Variants in ASL observed in about 807,000 individuals in gnomAD.
ASL encodes the protein argininosuccinate lyase, also known as argininosuccinase.
A neutral mutation model predicts 69.1 loss-of-function variants in ASL; 51 were observed. That is an observed-to-expected ratio of 0.74 (90% confidence interval 0.59 to 0.93). The LOEUF (loss-of-function observed/expected upper bound fraction) is 0.93, where lower values mean the gene tolerates loss of function less well. Ranked by LOEUF, ASL falls within the 40% of genes least tolerant of loss-of-function variation. The pLI is 0.00. For synonymous variants in ASL, 241 were observed against 247.6 expected, an observed-to-expected ratio of 0.97 and a Z score of 0.25; for missense variants, 540 against 623.9, an observed-to-expected ratio of 0.87 and a Z score of 1.43.
At chr7:66,087,144 G>A (rs761866517) in intron 8 of ASL, 190 bp from the exon 9 acceptor site, 25 of 695,234 alleles carry the variant, frequency 3.6e-5, no homozygotes, top group Admixed American at 1.1e-4. Context: ...TGGACACTTG[G>A]GGACAAGTAT....
At chr7:66,086,501 G>A (rs2115723465) in intron 6 of ASL, 84 bp from the exon 7 acceptor site, 1 of 1,456,750 alleles carries the variant, frequency 6.9e-7, no homozygotes, top group African/African-American at 1.4e-5. Context: ...TTTTCCAGGG[G>A]TGACCCAGGC....
Position 66,089,365 on chromosome 7 carries a change from C to T in ASL, c.978+30C>T, listed in dbSNP as rs160647. ...GAGGCCGGGGGAGGCCTGGCTAGTA[C>T]GTGCCAGTTCTCAGGGCTCTGGCAC... On this transcript the variant is annotated intron_variant, in intron 13 of 16. Coordinates refer to ENST00000304874, the MANE Select transcript of ASL (RefSeq NM_000048.4). 1,177,274 of 1,579,646 alleles carry T rather than the reference C, an allele frequency of 0.75. 439,617 individuals carry two copies. Among genetic ancestry groups the T allele is most frequent in the African/African-American group, 0.82 (61,209 of 74,302 alleles).
Position 66,082,019 on chromosome 7 carries a change from C to A in ASL, c.207+22C>A, listed in dbSNP as rs767121155. On this transcript the variant is annotated intron_variant, in intron 3 of 16. Transcript: ENST00000304874. ...CAAGGTACTTGCCGTGGCCCAAGCCCCACCCAAGGCCCCTTCCCTGTGGCC... is the reference window on the plus strand; with the variant it reads ...CAAGGTACTTGCCGTGGCCCAAGCCACACCCAAGGCCCCTTCCCTGTGGCC... 8.2e-6 allele frequency: 13 copies of A among 1,580,184 alleles called. No individual in the cohort carries two copies. The African/African-American group carries it at 1.6e-4, about 20-fold the overall frequency.
At chr7:66,081,570 A>G (rs887708877) in intron 2 of ASL, among the ~76,000 whole-genome samples, 1 of 146,706 alleles carries the variant, frequency 6.8e-6, no homozygotes, top group Non-Finnish European at 1.5e-5. Flanking sequence ...ACAAAGTGAG[A>G]CTCTGTCTCA....
intron 2 of ASL, among the ~76,000 whole-genome samples, chr7:66,079,984 C>A (rs1786454044): frequency 6.6e-6 from 1 of 152,066 alleles, no homozygotes; most frequent in South Asian, 2.1e-4. Context: ...ATTGGGGAGG[C>A]TGAGGCAAGA....
chr7:66,087,588 C>G, intron 9 of ASL, 141 bp from the exon 10 acceptor site: 1 of 999,052 alleles, frequency 1.0e-6, no homozygotes, highest in Non-Finnish European at 1.5e-6. Flanking sequence ...GCTCCTGCCT[C>G]CCTCCTGGGA....
chr7:66,076,573 G>A (rs1181527191), intron 2 of ASL, among the ~76,000 whole-genome samples: 1 of 152,182 alleles, frequency 6.6e-6, no homozygotes, highest in African/African-American at 2.4e-5. Context: ...CAGGAAAAAG[G>A]GGACGTCGCC....
At chr7:66,077,936 G>A (rs1462894055) in intron 2 of ASL, among the ~76,000 whole-genome samples, 1 of 152,082 alleles carries the variant, frequency 6.6e-6, no homozygotes, top group East Asian at 1.9e-4. Context: ...TGCCCAAGGG[G>A]AGGCACCTCA....
chr7:66,089,073 C>A lies in ASL; in HGVS notation c.834-18C>A. On this transcript the variant is annotated intron_variant, in intron 11 of 16. Transcript: ENST00000304874. ...GCCAAGGGTCCAGCCCCTTCAGCGC[C>A]AGCACCTCTGTCCCCAGCACGGGAA... 6.2e-7 allele frequency: 1 copy of A among 1,613,800 alleles called. No homozygotes were observed. Among genetic ancestry groups the A allele is most frequent in the Non-Finnish European group, 8.5e-7 (1 of 1,179,924 alleles).
rs114331121 is a variant in ASL, at chr7:66,082,296, G to T, written c.208-72G>T. ...CAGTCAGTCACCAGGGATAGGGTGG[G>T]ACCAAGGCAGGGGCTCTCTTGGCTG... On this transcript the variant is annotated intron_variant, in intron 3 of 16. Transcript: ENST00000304874. The T allele has an allele frequency of 1.3e-3, 1,919 of 1,457,580 alleles. 24 individuals carry two copies. In the African/African-American group the frequency reaches 0.024, roughly 18 times the overall value. The allele number at this position is 1,457,580 out of a possible 1,614,324, so 90.3% of individuals were successfully genotyped here. A position where few individuals can be genotyped will look rare whatever the true frequency, so the allele number is the denominator to read the frequency against.
intron 14 of ASL, 148 bp downstream of exon 14, chr7:66,089,843 C>T (rs964704323): frequency 3.4e-6 from 3 of 885,966 alleles, no homozygotes; most frequent in Non-Finnish European, 5.4e-6. Context: ...TCCTGGGGAA[C>T]AGGGAAAGGA....
chr7:66,092,927 G>T lies in ASL; in HGVS notation c.*15G>T. On this transcript the variant is annotated 3_prime_UTR_variant, in exon 17 of 17. Coordinates refer to ENST00000304874, the MANE Select transcript of ASL (RefSeq NM_000048.4). ...AGCAGGCCTAGGTCCTCCCACACCT[G>T]CCCCCTAATAAAGTGGGCGCGAGAG... is the stretch of plus-strand genomic sequence containing the variant. The T allele has an allele frequency of 6.2e-7, 1 of 1,601,314 alleles. No homozygotes were observed.
At position 66,093,524 on chromosome 7, in the gene ASL, CA is replaced by C. The variant is rs1786913043; in HGVS notation, c.*614del. 1 of 156,936 alleles carries C rather than the reference CA, an allele frequency of 6.4e-6. No homozygotes were observed. The highest frequency in any genetic ancestry group is 1.9e-4 in the East Asian group (1 of 5,304). The allele number at this position is 156,936 out of a possible 1,614,324, so 9.7% of individuals were successfully genotyped here. ...ATCCTAGCATTTTGGGAGGCCTGGG[CA>C]ACAGGAAGACTCCAACTACCATATT... On this transcript the variant is annotated 3_prime_UTR_variant, in exon 17 of 17. Transcript: ENST00000304874.
intron 6 of ASL, among the ~76,000 whole-genome samples, chr7:66,084,757 G>C (rs1341869629): frequency 3.3e-5 from 5 of 152,002 alleles, no homozygotes; most frequent in African/African-American, 1.2e-4. Flanking sequence ...GTAGCTGGGA[G>C]TACAGGTGCC....
chr7:66,086,920 C>T (rs776714951), intron 8 of ASL, 99 bp downstream of exon 8: 10 of 1,371,902 alleles, frequency 7.3e-6, no homozygotes, highest in African/African-American at 2.9e-5. Flanking sequence ...GACAGAAAAC[C>T]GCCTTATCTG....
chr7:66,087,552 G>C, intron 9 of ASL, 166 bp downstream of exon 9: 1 of 999,388 alleles, frequency 1.0e-6, no homozygotes, highest in South Asian at 1.4e-5. Flanking sequence ...CTCATGGCAG[G>C]GATGCCTGGT....
At chr7:66,091,097 C>CAAAAA (rs71051336) in intron 14 of ASL, among the ~76,000 whole-genome samples, 2 of 73,392 alleles carry the variant, frequency 2.7e-5, no homozygotes, top group African/African-American at 5.3e-5. Context: ...GACTCCATCT[C>CAAAAA]AAAAAAAAAA....
chr7:66,079,445 G>A (rs1429303335), intron 2 of ASL, among the ~76,000 whole-genome samples: 4 of 152,026 alleles, frequency 2.6e-5, no homozygotes, highest in Admixed American at 2.6e-4. Flanking sequence ...CCATGCCCTG[G>A]CCTCTGCCCT....
intron 15 of ASL, 126 bp from the exon 16 acceptor site, chr7:66,092,430 TG>T: frequency 2.1e-6 from 2 of 934,188 alleles, no homozygotes; most frequent in Non-Finnish European, 3.3e-6. Context: ...CACTCCAGCC[TG>T]GGCAACAGAG....
Sources: allele counts gnomAD v4.1 joint callset (sites outside exome capture counted in the v4.1 genomes callset), GRCh38; gene constraint gnomAD v4.1.1; transcripts MANE v1.5; gene names NCBI Gene and HGNC (gene_info 2026-07-23, HGNC 2026-07-21).